COL4A3: variants seen among roughly 807,000 people sequenced by gnomAD.
COL4A3 encodes the protein collagen type IV alpha 3 chain, also known as collagen alpha-3(IV) chain.
In COL4A3, 135 loss-of-function variants were observed where a neutral mutation model predicts 217.4. The observed-to-expected ratio is 0.62, with a 90% CI of 0.54 to 0.72. The LOEUF is 0.72. Among genes scored for constraint, COL4A3 ranks in the 30% least tolerant of loss-of-function variants. The pLI, the probability that COL4A3 is intolerant of heterozygous loss-of-function variation, is 0.00. For missense variants in COL4A3, 1,868 were observed against 2,119.9 expected (o/e 0.88, Z 2.33); for synonymous variants, 690 against 736.3 (o/e 0.94, Z 1.02).
intron 42 of COL4A3, 71 bp downstream of exon 42, chr2:227,297,930 TC>T (rs1440639143): frequency 6.8e-7 from 1 of 1,467,574 alleles, no homozygotes; most frequent in Non-Finnish European, 9.3e-7. Flanking sequence ...TTCAACCTCC[TC>T]CTCATGTTAC....
chr2:227,221,462 C>T (rs1406627498), intron 1 of COL4A3: 1 of 151,402 alleles, frequency 6.6e-6, no homozygotes, highest in African/African-American at 2.4e-5. Context: ...TCATCCTCAG[C>T]TCTCTTGCTT....
At chr2:227,178,096 C>T (rs1338929304) in intron 1 of COL4A3, among the ~76,000 whole-genome samples, 2 of 152,100 alleles carry the variant, frequency 1.3e-5, no homozygotes, top group Non-Finnish European at 2.9e-5. Flanking sequence ...AAAATCGGGC[C>T]GGGCATGCTG....
At chr2:227,185,501 T>TA (rs2066002392) in intron 1 of COL4A3, among the ~76,000 whole-genome samples, 1 of 152,224 alleles carries the variant, frequency 6.6e-6, no homozygotes, top group Non-Finnish European at 1.5e-5. Flanking sequence ...AGCTAGTCAT[T>TA]ACTACTAAAA....
chr2:227,273,479 A>G (rs2071365818), intron 26 of COL4A3, among the ~76,000 whole-genome samples: 1 of 152,170 alleles, frequency 6.6e-6, no homozygotes, highest in Non-Finnish European at 1.5e-5. Flanking sequence ...ATTATAGTTT[A>G]CTGCATCCTC....
chr2:227,280,670 G>A, intron 30 of COL4A3, 80 bp downstream of exon 30: 1 of 1,494,992 alleles, frequency 6.7e-7, no homozygotes, highest in Non-Finnish European at 9.3e-7. Flanking sequence ...GGTGTTCTAG[G>A]CATGAAGAAT....
At chr2:227,254,624 C>A (rs1271168501) in intron 14 of COL4A3, 32 bp from the exon 15 acceptor site, 4 of 1,518,338 alleles carry the variant, frequency 2.6e-6, no homozygotes, top group Non-Finnish European at 3.7e-6. Flanking sequence ...ATCAGTAATT[C>A]ATAAAATTTG....
intron 1 of COL4A3, among the ~76,000 whole-genome samples, chr2:227,202,704 C>T (rs1231096649): frequency 1.4e-5 from 2 of 141,890 alleles, no homozygotes; most frequent in East Asian, 4.0e-4. Flanking sequence ...CACTGCAGTC[C>T]GGCCTGGGAG....
chr2:227,240,698 T>G (rs1364235256), intron 3 of COL4A3, among the ~76,000 whole-genome samples: 1 of 152,202 alleles, frequency 6.6e-6, no homozygotes, highest in Non-Finnish European at 1.5e-5. Context: ...AATACAAAAC[T>G]TCCTCTCCAT....
chr2:227,244,381 G>A lies in COL4A3; in HGVS notation c.279+17G>A. 6.2e-7 allele frequency: 1 copy of A among 1,612,250 alleles called. No homozygotes were observed. The highest frequency in any genetic ancestry group is 8.5e-7 in the Non-Finnish European group (1 of 1,178,432). ...GGTGTAAGGGTTAGTAGTCCAACCA[G>A]TCCACCCTGATCGTTAAAAGATCAG... On this transcript the variant is annotated intron_variant, in intron 4 of 51. Transcript: ENST00000396578.
chr2:227,271,597 T>C (rs111680509), intron 25 of COL4A3, among the ~76,000 whole-genome samples: 4,736 of 151,408 alleles, frequency 0.031, 133 homozygotes, highest in Admixed American at 0.045. Flanking sequence ...CTCAGCCTCC[T>C]GAGTAGCTGG....
chr2:227,307,113 G>A (rs916326156), intron 47 of COL4A3, among the ~76,000 whole-genome samples: 5 of 151,670 alleles, frequency 3.3e-5, no homozygotes, highest in African/African-American at 7.3e-5. Context: ...GTACAGAAAC[G>A]ATTTACTTTG....
intron 2 of COL4A3, among the ~76,000 whole-genome samples, chr2:227,239,795 C>A (rs2068912625): frequency 6.6e-6 from 1 of 152,218 alleles, no homozygotes; most frequent in African/African-American, 2.4e-5. Flanking sequence ...CATCCCACAA[C>A]AAACACTCCA....
chr2:227,207,373 T>A (rs2067140742), intron 1 of COL4A3, among the ~76,000 whole-genome samples: 1 of 152,218 alleles, frequency 6.6e-6, no homozygotes, highest in South Asian at 2.1e-4. Flanking sequence ...TATTTCTTCT[T>A]CACTTCTTGT....
intron 20 of COL4A3, 100 bp downstream of exon 20, chr2:227,261,217 C>A: frequency 9.4e-7 from 1 of 1,068,012 alleles, no homozygotes; most frequent in South Asian, 1.4e-5. Flanking sequence ...ACAAATGTTT[C>A]ATTAACTGAT....
intron 25 of COL4A3, among the ~76,000 whole-genome samples, chr2:227,272,592 T>G (rs1325732223): frequency 6.6e-6 from 1 of 152,234 alleles, no homozygotes; most frequent in Non-Finnish European, 1.5e-5. Context: ...CTGTGCTCAT[T>G]TTATTTCAGA....
intron 1 of COL4A3, among the ~76,000 whole-genome samples, chr2:227,223,623 A>T (rs1044681829): frequency 6.6e-6 from 1 of 152,140 alleles, no homozygotes. Context: ...AATCCCAGCT[A>T]CTTGGGAAAT....
intron 34 of COL4A3, among the ~76,000 whole-genome samples, chr2:227,285,770 C>A (rs534366184): frequency 7.2e-5 from 11 of 152,352 alleles, no homozygotes; most frequent in African/African-American, 2.2e-4. Context: ...TATTTCTATA[C>A]TTCCAACAAA....
chr2:227,240,204 A>C lies in COL4A3; in HGVS notation c.206A>C (p.Glu69Ala), dbSNP rs755344973. ...SPGQKGFTGP[E>A]GLPGPQGPKG... ...GGCCAGAAAGGATTCACAGGTCCTG[A>C]AGGCTTGCCTGGACCGCAGGGACCC... Residue 69 changes from glutamate to alanine, a missense_variant, in exon 3 of 52, where the codon GAA (glutamate) becomes GCA (alanine). By Grantham distance (107) the Glu-to-Ala change is moderately radical. Coordinates refer to ENST00000396578, the MANE Select transcript of COL4A3 (RefSeq NM_000091.5). 20 of 1,611,798 alleles carry C rather than the reference A, an allele frequency of 1.2e-5. No homozygotes were observed. The highest frequency in any genetic ancestry group is 1.7e-5 in the Non-Finnish European group (20 of 1,179,228).
At chr2:227,195,860 G>A (rs6713480) in intron 1 of COL4A3, among the ~76,000 whole-genome samples, 94,688 of 151,218 alleles carry the variant, frequency 0.63, 29,819 homozygotes, top group East Asian at 0.67. Context: ...TGATGATCCC[G>A]ACCGTGTATA....
Sources: gnomAD v4.1 joint callset for allele counts (sites outside exome capture counted in the v4.1 genomes callset) on GRCh38, gnomAD v4.1.1 for gene constraint, MANE v1.5 for transcripts, NCBI Gene and HGNC (gene_info 2026-07-23, HGNC 2026-07-21) for gene names.